MSH5: variants seen among roughly 807,000 people sequenced by gnomAD.
MSH5 encodes mutS protein homolog 5.
Under a neutral mutation model 107.7 loss-of-function variants are expected in MSH5, and 78 were observed. The ratio of observed to expected loss-of-function variants is 0.72; its 90% CI spans 0.60 to 0.87. The LOEUF (loss-of-function observed/expected upper bound fraction) is 0.87. Among genes scored for constraint, MSH5 ranks in the 40% least tolerant of loss-of-function variants. The pLI, the probability that MSH5 is intolerant of heterozygous loss-of-function variation, is 0.00. For missense variants in MSH5, 889 were observed against 1,046.6 expected, an observed-to-expected ratio of 0.85 and a Z score of 2.08; for synonymous variants, 326 against 399.5, an observed-to-expected ratio of 0.82 and a Z score of 2.19.
At chr6:31,741,763 TTA>T (rs1491431261) in intron 3 of MSH5, among the ~76,000 whole-genome samples, 5 of 110,728 alleles carry the variant, frequency 4.5e-5, no homozygotes, top group Non-Finnish European at 6.8e-5. Context: ...GAGTAATTTG[TTA>T]AAAAAAAAAA....
At chr6:31,745,094 A>G in intron 8 of MSH5, 143 bp from the exon 9 acceptor site, 1 of 603,240 alleles carries the variant, frequency 1.7e-6, no homozygotes, top group East Asian at 2.9e-5. Flanking sequence ...ACAGAGCGAG[A>G]CTCCATCTCA....
chr6:31,752,102 A>C (rs945211277), intron 10 of MSH5, among the ~76,000 whole-genome samples: 1 of 151,554 alleles, frequency 6.6e-6, no homozygotes, highest in African/African-American at 2.4e-5. Flanking sequence ...CCATCTCAAA[A>C]ATAATAATAA....
chr6:31,758,325 G>A lies in MSH5; in HGVS notation c.1143+32G>A. ...AGAAGGAAAAAGGGAGTGCACCCAGGGAGGTCAGGGAGAGAGAATGCAGTG... is the reference window on the plus strand; with the variant it reads ...AGAAGGAAAAAGGGAGTGCACCCAGAGAGGTCAGGGAGAGAGAATGCAGTG... On this transcript the variant is annotated intron_variant, in intron 13 of 24. Coordinates refer to ENST00000375750, the MANE Select transcript of MSH5 (RefSeq NM_172166.4). This position sits in a 1 kb window ranked among gnomAD's most constrained non-coding sequence, Gnocchi z 5.1. The A allele has an allele frequency of 6.2e-7, 1 of 1,609,770 alleles. No individual in the cohort carries two copies. Among genetic ancestry groups the A allele is most frequent in the East Asian group, 2.2e-5 (1 of 44,852 alleles).
Position 31,758,199 on chromosome 6 carries a change from G to C in MSH5, c.1049G>C (p.Cys350Ser). 1 of 1,613,008 alleles carries C rather than the reference G, an allele frequency of 6.2e-7. No individual in the cohort carries two copies. Among genetic ancestry groups the C allele is most frequent in the South Asian group, 1.1e-5 (1 of 91,076 alleles). The change falls in exon 13 of 25, where the codon TGC becomes TCC. Residue 350 changes from cysteine (C) to serine (S), a missense_variant. By Grantham distance (112) the Cys-to-Ser change is moderately radical. Coordinates refer to ENST00000375750, the MANE Select transcript of MSH5 (RefSeq NM_172166.4). The surrounding 1 kb of genome is among the most constrained non-coding windows in gnomAD (Gnocchi z 5.1). ...AGTGCCCTGGGCCTGAGGGATGCCT[G>C]CCGCTCCCTGCCGCAGTCCATCCAG... Reference protein sequence around the residue: ...VYSALGLRDACRSLPQSIQLF... With the variant: ...VYSALGLRDASRSLPQSIQLF...
chr6:31,762,273 C>A, intron 24 of MSH5, 88 bp downstream of exon 24: 1 of 1,488,238 alleles, frequency 6.7e-7, no homozygotes, highest in Non-Finnish European at 9.4e-7. Context: ...CTTCCTCCAG[C>A]ACTTTGCCCT....
At chr6:31,747,354 T>C in intron 9 of MSH5, 33 bp from the exon 10 acceptor site, 1 of 1,611,806 alleles carries the variant, frequency 6.2e-7, no homozygotes, top group Non-Finnish European at 8.5e-7. Flanking sequence ...CCCTGCCTTG[T>C]AACAAGTTCA....
At position 31,744,178 on chromosome 6, in the gene MSH5, A is replaced by C; in HGVS notation, c.538-12A>C. ...AAGATTTACCCCGATTCCACTGCTG[A>C]TCCCCTCCCAGGTTCGAGCACTTGG... is the stretch of plus-strand genomic sequence containing the variant. On this transcript the variant is annotated splice_polypyrimidine_tract_variant and intron_variant, in intron 6 of 24. Coordinates refer to ENST00000375750, the MANE Select transcript of MSH5 (RefSeq NM_172166.4). The C allele has an allele frequency of 6.2e-7, 1 of 1,607,808 alleles. No homozygotes were observed. Among genetic ancestry groups the C allele is most frequent in the Non-Finnish European group, 8.5e-7 (1 of 1,177,132 alleles).
At chr6:31,741,139 T>C (rs957661434) in intron 2 of MSH5, 24 bp from the exon 3 acceptor site, 1 of 1,612,192 alleles carries the variant, frequency 6.2e-7, no homozygotes, top group Non-Finnish European at 8.5e-7. Context: ...CTAATAGTGA[T>C]TTCCTTTCTT....
rs542614482 is a variant in MSH5 at position 31,746,729 on chromosome 6, G to A, written c.767-658G>A. 5.3e-5 allele frequency among the ~76,000 whole-genome samples: 8 copies of A among 152,256 alleles called. No homozygotes were observed. In the South Asian group the frequency reaches 1.0e-3, roughly 20 times the overall value. On this transcript the variant is annotated intron_variant, in intron 9 of 24. Coordinates refer to ENST00000375750, the MANE Select transcript of MSH5 (RefSeq NM_172166.4). Reference sequence around the variant, plus strand: ...GCCTCCCAAAGTGCTGGGATTATAGGCATGAGCCACCCTGCCCGGCCAGCT... The same window carrying A: ...GCCTCCCAAAGTGCTGGGATTATAGACATGAGCCACCCTGCCCGGCCAGCT...
Position 31,761,089 on chromosome 6 carries a change from A to G in MSH5, c.1963-99A>G. 1 of 1,197,404 alleles carries G rather than the reference A, an allele frequency of 8.4e-7. No individual in the cohort carries two copies. Among genetic ancestry groups the G allele is most frequent in the Non-Finnish European group, 1.2e-6 (1 of 830,208 alleles). 74.2% of individuals were successfully genotyped at this position (1,197,404 alleles called of 1,614,324 possible). The stretch of plus-strand genomic sequence containing the variant: ...ACCATTCAAGAACTTGCAGTGCAGT[A>G]GGGAGGGCATGTATACAGCTTTATT... On this transcript the variant is annotated intron_variant, in intron 20 of 24. Transcript: ENST00000375750. The surrounding 1 kb of genome is among the most constrained non-coding windows in gnomAD (Gnocchi z 5.3).
intron 9 of MSH5, 126 bp from the exon 10 acceptor site, chr6:31,747,261 C>T: frequency 2.1e-6 from 2 of 968,172 alleles, no homozygotes; most frequent in Non-Finnish European, 3.2e-6. Context: ...GCCTTTGTGC[C>T]CTCCCAGGCC....
At chr6:31,753,258 T>A in intron 10 of MSH5, 43 bp from the exon 11 acceptor site, 2 of 1,559,840 alleles carry the variant, frequency 1.3e-6, no homozygotes, top group South Asian at 2.4e-5. Context: ...ATCAAGATGA[T>A]AGATGTAACT....
intron 8 of MSH5, 46 bp from the exon 9 acceptor site, chr6:31,745,191 T>G: frequency 8.2e-7 from 1 of 1,225,704 alleles, no homozygotes; most frequent in Non-Finnish European, 1.2e-6. Context: ...TCTTATTCCC[T>G]TCAAAAGTCC....
intron 24 of MSH5, 65 bp from the exon 25 acceptor site, chr6:31,762,355 C>T: frequency 1.5e-6 from 2 of 1,366,990 alleles, no homozygotes; most frequent in Non-Finnish European, 2.1e-6. Flanking sequence ...CACAGCCTCT[C>T]CCCTCTGCCC....
At position 31,741,266 on chromosome 6, in the gene MSH5, GC is replaced by G; in HGVS notation, c.253del (p.Leu85SerfsTer26). Reference sequence around the variant, plus strand: ...ATGCCAGATGCCCCAGACCACGAGAGCCTCAAGCTTCTCCAGAGAGGTGGGG... The same window carrying G: ...ATGCCAGATGCCCCAGACCACGAGAGCTCAAGCTTCTCCAGAGAGGTGGGG... ...HFMPDAPDHE[S>X]LKLLQRVLDE... On this transcript the variant is annotated frameshift_variant, in exon 3 of 25. Coordinates refer to ENST00000375750, the MANE Select transcript of MSH5 (RefSeq NM_172166.4). LOFTEE classifies it high-confidence loss of function. The G allele has an allele frequency of 6.2e-7, 1 of 1,612,622 alleles. No individual in the cohort carries two copies. The highest frequency in any genetic ancestry group is 8.5e-7 in the Non-Finnish European group (1 of 1,179,930).
intron 10 of MSH5, among the ~76,000 whole-genome samples, chr6:31,752,718 C>CAAAA (rs9279408): frequency 8.0e-6 from 1 of 124,560 alleles, no homozygotes; most frequent in South Asian, 2.6e-4. Flanking sequence ...GACTCTGTCT[C>CAAAA]AAAAAAAAAA....
At position 31,761,780 on chromosome 6, in the gene MSH5, G is replaced by A; in HGVS notation, c.2182-38G>A. 1.9e-6 allele frequency: 3 copies of A among 1,613,106 alleles called. No homozygotes were observed. The highest frequency in any genetic ancestry group is 1.3e-5 in the African/African-American group (1 of 75,062). The stretch of plus-strand genomic sequence containing the variant: ...GCCAAGGGTTTCAGGACAGGAAGGA[G>A]GTGATTGATGATACACTGTCTTTTA... On this transcript the variant is annotated intron_variant, in intron 22 of 24. Transcript: ENST00000375750. The surrounding 1 kb of genome is among the most constrained non-coding windows in gnomAD (Gnocchi z 5.3).
chr6:31,743,875 C>G (rs187068886), intron 5 of MSH5, 29 bp from the exon 6 acceptor site: 2 of 1,610,522 alleles, frequency 1.2e-6, no homozygotes, highest in Admixed American at 1.7e-5. Context: ...GCTACAAGAC[C>G]GTTCCCTTTG....
chr6:31,742,380 C>G (rs1442289483), intron 3 of MSH5, among the ~76,000 whole-genome samples: 1 of 152,166 alleles, frequency 6.6e-6, no homozygotes, highest in Non-Finnish European at 1.5e-5. Context: ...GCCTCAGTCT[C>G]CCGAGTAGCT....
Sources: allele counts gnomAD v4.1 joint callset (sites outside exome capture counted in the v4.1 genomes callset), GRCh38; gene constraint gnomAD v4.1.1; non-coding constraint Gnocchi (gnomAD v3.1); transcripts MANE v1.5; gene names NCBI Gene and HGNC (gene_info 2026-07-23, HGNC 2026-07-21).